The following NSMCE2 variants were observed in gnomAD, a reference collection of about 807,000 sequenced individuals.
The protein encoded by NSMCE2 is NSE2 SUMO ligase component of SMC5/6 complex.
In NSMCE2, 24 loss-of-function variants were observed where a neutral mutation model predicts 23.8. The observed-to-expected ratio is 1.01, with a 90% CI of 0.73 to 1.42. The LOEUF is 1.42. Among genes scored for constraint, NSMCE2 ranks in the 40% most tolerant of loss-of-function variants. The pLI, the probability that NSMCE2 is intolerant of heterozygous loss-of-function variation, is 0.00. For synonymous variants in NSMCE2, 92 were observed against 94.1 expected (o/e 0.98, Z 0.13); for missense variants, 284 against 296.5 (o/e 0.96, Z 0.31).
chr8:125,277,510 C>CTT (rs60732204), intron 5 of NSMCE2, among the ~76,000 whole-genome samples: 1 of 145,172 alleles, frequency 6.9e-6, no homozygotes. Flanking sequence ...TCTTCTTCTT[C>CTT]TTTTTTTTTT....
At chr8:125,117,306 C>T (rs1011378622) in intron 3 of NSMCE2, among the ~76,000 whole-genome samples, 1 of 152,068 alleles carries the variant, frequency 6.6e-6, no homozygotes, top group East Asian at 1.9e-4. Flanking sequence ...ACTGCAACCT[C>T]CACCTCCCAG....
chr8:125,258,951 G>A (rs1345950516), intron 5 of NSMCE2, among the ~76,000 whole-genome samples: 1 of 152,178 alleles, frequency 6.6e-6, no homozygotes, highest in African/African-American at 2.4e-5. Flanking sequence ...TGCCCAGGCT[G>A]TAGTGCAATG....
In NSMCE2 at chr8:125,316,771, C is replaced by CCT. The variant is rs1333224137; in HGVS notation, c.419-40448_419-40447insCT. ...TCCTTCCTTCCTTCCTTCCTTCCTT[C>CCT]TCTCTCTCTCTTTCTTTCTTTCTTT... On this transcript the variant is annotated intron_variant, in intron 5 of 7. Coordinates refer to ENST00000287437, the MANE Select transcript of NSMCE2 (RefSeq NM_173685.4). 6.6e-3 allele frequency among the ~76,000 whole-genome samples: 919 copies of CCT among 140,104 alleles called. 9 individuals are homozygous for CCT. The highest frequency in any genetic ancestry group is 0.016 in the African/African-American group (600 of 36,392). The allele number at this position is 140,104 out of a possible 152,430, so 91.9% of individuals were successfully genotyped here. A position where few individuals can be genotyped will look rare whatever the true frequency, so the allele number is the denominator to read the frequency against.
chr8:125,341,115 T>G (rs1403081111), intron 5 of NSMCE2, among the ~76,000 whole-genome samples: 1 of 152,090 alleles, frequency 6.6e-6, no homozygotes, highest in African/African-American at 2.4e-5. Flanking sequence ...AATTTTTAGC[T>G]AAGGAATAAA....
intron 5 of NSMCE2, among the ~76,000 whole-genome samples, chr8:125,340,825 T>C (rs1830219937): frequency 6.6e-6 from 1 of 152,202 alleles, no homozygotes; most frequent in African/African-American, 2.4e-5. Flanking sequence ...CACAAGGTCT[T>C]TCCAACAATT....
intron 5 of NSMCE2, among the ~76,000 whole-genome samples, chr8:125,252,420 G>A (rs1334103621): frequency 2.0e-5 from 3 of 152,124 alleles, no homozygotes; most frequent in Non-Finnish European, 4.4e-5. Flanking sequence ...CCAGCTACTC[G>A]GGAGGCGAGA....
At position 125,221,661 on chromosome 8, in the gene NSMCE2, T is replaced by C. The variant is rs564427562; in HGVS notation, c.418+39405T>C. Reference sequence around the variant, plus strand: ...ATATTTGTATATACATAATGAAATATATTAGGGATAAGACCCAAGCCTAAA... The same window carrying C: ...ATATTTGTATATACATAATGAAATACATTAGGGATAAGACCCAAGCCTAAA... On this transcript the variant is annotated intron_variant, in intron 5 of 7. Coordinates refer to ENST00000287437, the MANE Select transcript of NSMCE2 (RefSeq NM_173685.4). Among the ~76,000 whole-genome samples, 22 of 152,334 alleles carry C rather than the reference T, an allele frequency of 1.4e-4. 1 individual carries two copies. In the South Asian group the frequency reaches 4.6e-3, roughly 32 times the overall value.
At chr8:125,216,131 T>G (rs34298715) in intron 5 of NSMCE2, among the ~76,000 whole-genome samples, 10,092 of 152,352 alleles carry the variant, frequency 0.066, 436 homozygotes, top group South Asian at 0.16. Flanking sequence ...AATGTTCACC[T>G]ATGTTGTAGC....
intron 5 of NSMCE2, among the ~76,000 whole-genome samples, chr8:125,194,530 G>A (rs1823516296): frequency 6.6e-6 from 1 of 152,080 alleles, no homozygotes; most frequent in Non-Finnish European, 1.5e-5. Flanking sequence ...CCAGCTGGTG[G>A]CCATTATGAA....
chr8:125,238,617 C>T (rs888881863), intron 5 of NSMCE2, among the ~76,000 whole-genome samples: 1 of 152,010 alleles, frequency 6.6e-6, no homozygotes, highest in African/African-American at 2.4e-5. Context: ...CACCAGCTTC[C>T]AGCCAGAATA....
At chr8:125,313,251 AAAG>A (rs140947152) in intron 5 of NSMCE2, among the ~76,000 whole-genome samples, 12,286 of 152,078 alleles carry the variant, frequency 0.081, 603 homozygotes, top group Non-Finnish European at 0.11. Context: ...AAAGAAAAGA[AAAG>A]AAGGAAAGAA....
chr8:125,360,868 A>G (rs1213512426), intron 7 of NSMCE2, among the ~76,000 whole-genome samples: 4 of 152,234 alleles, frequency 2.6e-5, no homozygotes, highest in South Asian at 4.1e-4. Flanking sequence ...TTCCAGGTCC[A>G]TTGTGTTCTG....
At position 125,311,100 on chromosome 8, in the gene NSMCE2, C is replaced by T. The variant is rs573349494; in HGVS notation, c.419-46119C>T. Among the ~76,000 whole-genome samples, 22 of 152,266 alleles carry T rather than the reference C, an allele frequency of 1.4e-4. No individual in the cohort carries two copies. The South Asian group carries it at 1.4e-3, about 10-fold the overall frequency. ...CTGCTTTCAAACTGTGTTTGTGTAA[C>T]CTGGGGAAAGATTTTGCTCTGGGGA... On this transcript the variant is annotated intron_variant, in intron 5 of 7. Coordinates refer to ENST00000287437, the MANE Select transcript of NSMCE2 (RefSeq NM_173685.4).
chr8:125,261,362 C>T (rs1052550064), intron 5 of NSMCE2, among the ~76,000 whole-genome samples: 3 of 152,180 alleles, frequency 2.0e-5, no homozygotes, highest in Admixed American at 6.5e-5. Context: ...CAAATTTAGT[C>T]GAGATCCAAT....
intron 5 of NSMCE2, among the ~76,000 whole-genome samples, chr8:125,338,912 T>C (rs1165795819): frequency 6.6e-6 from 1 of 152,162 alleles, no homozygotes; most frequent in Non-Finnish European, 1.5e-5. Context: ...TTCTAAAGGA[T>C]TCCCTGAAAA....
chr8:125,098,589 C>T (rs148346171), intron 1 of NSMCE2, among the ~76,000 whole-genome samples: 1 of 152,146 alleles, frequency 6.6e-6, no homozygotes, highest in Non-Finnish European at 1.5e-5. Flanking sequence ...GTTTGAATCA[C>T]GGTGTTATCA....
rs138219984 is a variant in NSMCE2, at chr8:125,346,889, T to C, written c.419-10330T>C. On this transcript the variant is annotated intron_variant, in intron 5 of 7. Coordinates refer to ENST00000287437, the MANE Select transcript of NSMCE2 (RefSeq NM_173685.4). ...ACAAAGGACATGTCTGCAACAACAG[T>C]AGATAAATTATAAGCACATGATAAC... Among the ~76,000 whole-genome samples, 154 of 152,300 alleles carry C rather than the reference T, an allele frequency of 1.0e-3. 1 individual carries two copies. Among genetic ancestry groups the C allele is most frequent in the African/African-American group, 3.6e-3 (150 of 41,560 alleles).
At chr8:125,179,200 G>A (rs1822655131) in intron 4 of NSMCE2, among the ~76,000 whole-genome samples, 1 of 152,092 alleles carries the variant, frequency 6.6e-6, no homozygotes, top group African/African-American at 2.4e-5. Context: ...GAAAAGGATG[G>A]ACCTAATAAT....
intron 3 of NSMCE2, chr8:125,130,122 C>A: frequency 5.8e-6 from 2 of 343,840 alleles, no homozygotes. Context: ...GTAATCCTGA[C>A]AGTTTTGAGG....
Sources: allele counts gnomAD v4.1 joint callset (sites outside exome capture counted in the v4.1 genomes callset), GRCh38; gene constraint gnomAD v4.1.1; transcripts MANE v1.5; gene names NCBI Gene and HGNC (gene_info 2026-07-23, HGNC 2026-07-21).